Variants in ABLIM2 observed in about 807,000 individuals in gnomAD.
ABLIM2 encodes the protein actin binding LIM protein family member 2, also known as actin-binding LIM protein 2.
A neutral mutation model predicts 97.7 loss-of-function variants in ABLIM2; 53 were observed. The ratio of observed to expected loss-of-function variants is 0.54; its 90% CI spans 0.44 to 0.68. The LOEUF (loss-of-function observed/expected upper bound fraction) is 0.68, where lower values mean the gene tolerates loss of function less well. ABLIM2 is among the 30% of genes least tolerant of loss of function. The pLI, the probability that ABLIM2 is intolerant of heterozygous loss-of-function variation, is 0.00. For missense variants in ABLIM2, 835 were observed against 867.2 expected, an observed-to-expected ratio of 0.96 and a Z score of 0.47; for synonymous variants, 361 against 345.8, an observed-to-expected ratio of 1.04 and a Z score of -0.49.
At chr4:8,119,717 C>T (rs1844410413) in intron 1 of ABLIM2, among the ~76,000 whole-genome samples, 1 of 152,174 alleles carries the variant, frequency 6.6e-6, no homozygotes, top group Non-Finnish European at 1.5e-5. Flanking sequence ...ATAACAGTGA[C>T]ACTGTCTTTT....
At chr4:8,051,183 G>A (rs1312947308) in intron 8 of ABLIM2, among the ~76,000 whole-genome samples, 1 of 152,248 alleles carries the variant, frequency 6.6e-6, no homozygotes, top group African/African-American at 2.4e-5. Flanking sequence ...CGCCCTTGCG[G>A]GGACCTGGCT....
intron 1 of ABLIM2, among the ~76,000 whole-genome samples, chr4:8,143,846 G>A (rs979618418): frequency 5.9e-5 from 9 of 152,206 alleles, no homozygotes; most frequent in African/African-American, 9.7e-5. Context: ...GGACACGGCT[G>A]CCTGTCAGCC....
At chr4:7,984,052 C>T (rs1170130713) in intron 18 of ABLIM2, among the ~76,000 whole-genome samples, 1 of 152,232 alleles carries the variant, frequency 6.6e-6, no homozygotes, top group African/African-American at 2.4e-5. Context: ...TACTTCCAGA[C>T]TGAAAGCGTC....
chr4:8,020,441 G>A (rs1362721099), intron 12 of ABLIM2, 138 bp from the exon 13 acceptor site: 3 of 797,980 alleles, frequency 3.8e-6, no homozygotes, highest in Non-Finnish European at 4.2e-6. Flanking sequence ...CCTGCCCAGG[G>A]GAAGGAGTGT....
intron 2 of ABLIM2, among the ~76,000 whole-genome samples, chr4:8,102,655 G>A (rs1036718897): frequency 5.3e-5 from 8 of 152,210 alleles, no homozygotes; most frequent in African/African-American, 1.2e-4. Context: ...GGGCAGCCAC[G>A]GACAAGAGGA....
At chr4:8,096,077 G>A (rs1184491740) in intron 3 of ABLIM2, among the ~76,000 whole-genome samples, 2 of 152,052 alleles carry the variant, frequency 1.3e-5, no homozygotes, top group South Asian at 2.1e-4. Flanking sequence ...ACGATGCCAC[G>A]CTCCCCTTGG....
At chr4:8,059,254 A>T (rs1801333740) in intron 7 of ABLIM2, among the ~76,000 whole-genome samples, 1 of 152,058 alleles carries the variant, frequency 6.6e-6, no homozygotes, top group Non-Finnish European at 1.5e-5. Context: ...GCAGGCCAGA[A>T]TTTGCTGCCC....
intron 6 of ABLIM2, among the ~76,000 whole-genome samples, chr4:8,064,715 T>G (rs1351614248): frequency 6.6e-6 from 1 of 152,012 alleles, no homozygotes; most frequent in African/African-American, 2.4e-5. Flanking sequence ...AGGTTTAGGA[T>G]GTTCAAAACC....
At chr4:8,094,526 C>T (rs375983537) in intron 3 of ABLIM2, among the ~76,000 whole-genome samples, 15 of 152,150 alleles carry the variant, frequency 9.9e-5, no homozygotes, top group African/African-American at 2.2e-4. Flanking sequence ...CTGCATGCAC[C>T]GGTAATCAGA....
chr4:8,082,650 G>A lies in ABLIM2; in HGVS notation c.455-1848C>T, dbSNP rs1420186351. ...TGCTACTTTGGAAAACAGCCAGAGA[G>A]CAGATTCAAACTCTGAGGGAAAGGG... On this transcript the variant is annotated intron_variant, in intron 4 of 20. Transcript: ENST00000447017. The surrounding 1 kb of genome is among the most constrained non-coding windows in gnomAD (Gnocchi z 5.6). Among the ~76,000 whole-genome samples, 2 of 152,250 alleles carry A rather than the reference G, an allele frequency of 1.3e-5. No homozygotes were observed. The highest frequency in any genetic ancestry group is 3.8e-4 in the East Asian group (2 of 5,208).
At chr4:8,107,124 C>G (rs774527848) in intron 1 of ABLIM2, among the ~76,000 whole-genome samples, 8 of 152,236 alleles carry the variant, frequency 5.3e-5, no homozygotes, top group Admixed American at 3.3e-4. Flanking sequence ...CTCAGGGGAG[C>G]TCACTTCAAA....
chr4:8,080,727 C>T lies in ABLIM2; in HGVS notation c.530G>A (p.Cys177Tyr). Residue 177 changes from cysteine (C) to tyrosine (Y), a missense_variant, in exon 5 of 21, where the codon TGT (cysteine) becomes TAT (tyrosine). Coordinates refer to ENST00000447017, the MANE Select transcript of ABLIM2 (RefSeq NM_001130083.2). ...CTTCCCACAGCTCTTGCACTTAAAA[C>T]AGCCCAAGTGCCAGTGCTTGTCCAA... is the stretch of plus-strand genomic sequence containing the variant. ...VALDKHWHLGCFKCKSCGKLL... is the reference protein window; with the variant it reads ...VALDKHWHLGYFKCKSCGKLL... 3.1e-6 allele frequency: 5 copies of T among 1,612,882 alleles called. No individual in the cohort carries two copies. The highest frequency in any genetic ancestry group is 4.2e-6 in the Non-Finnish European group (5 of 1,179,058).
intron 6 of ABLIM2, among the ~76,000 whole-genome samples, chr4:8,073,306 C>T (rs1381543944): frequency 2.0e-5 from 3 of 150,242 alleles, no homozygotes; most frequent in Admixed American, 6.6e-5. Flanking sequence ...AGGCCGTCCT[C>T]GCTGAGGTCT....
At chr4:8,144,729 C>A (rs2152951043) in intron 1 of ABLIM2, among the ~76,000 whole-genome samples, 1 of 152,324 alleles carries the variant, frequency 6.6e-6, no homozygotes, top group South Asian at 2.1e-4. Flanking sequence ...GAAGAGGACT[C>A]ACAGAGGTGA....
intron 12 of ABLIM2, among the ~76,000 whole-genome samples, chr4:8,024,435 C>T (rs529879831): frequency 2.0e-5 from 3 of 152,160 alleles, no homozygotes; most frequent in East Asian, 1.9e-4. Context: ...GGCCTTGCCT[C>T]GGGCAGCCGC....
At position 8,106,485 on chromosome 4, in the gene ABLIM2, G is replaced by C; in HGVS notation, c.154+9C>G. 6.3e-7 allele frequency: 1 copy of C among 1,589,100 alleles called. No homozygotes were observed. Among genetic ancestry groups the C allele is most frequent in the Non-Finnish European group, 8.6e-7 (1 of 1,167,784 alleles). On this transcript the variant is annotated intron_variant, in intron 2 of 20. Coordinates refer to ENST00000447017, the MANE Select transcript of ABLIM2 (RefSeq NM_001130083.2). ...GGGGCCACACTGCAGGGGACCGGGGGACACTCACCTTTACAGACGAAGCAC... is the reference window on the plus strand; with the variant it reads ...GGGGCCACACTGCAGGGGACCGGGGCACACTCACCTTTACAGACGAAGCAC...
At position 8,106,576 on chromosome 4, in the gene ABLIM2, G is replaced by A; in HGVS notation, c.72C>T (p.Cys24=). Residue 24 remains cysteine (C), a synonymous_variant, in exon 2 of 21, where the codon TGC becomes TGT. Coordinates refer to ENST00000447017, the MANE Select transcript of ABLIM2 (RefSeq NM_001130083.2). ...CCTTGCACACATTCCCACACGTGTTGCACAGGATCGCCGTGCTGGGCGACT... is the reference window on the plus strand; with the variant it reads ...CCTTGCACACATTCCCACACGTGTTACACAGGATCGCCGTGCTGGGCGACT... ...LEKSPSTAIL[C]NTCGNVCKGE... 3 of 1,611,018 alleles carry A rather than the reference G, an allele frequency of 1.9e-6. No homozygotes were observed. Among genetic ancestry groups the A allele is most frequent in the African/African-American group, 1.3e-5 (1 of 75,018 alleles).
At chr4:7,994,080 CTTTTTTTTTTTTTTTTTTTTTTT>C (rs764214617) in intron 16 of ABLIM2, 1 of 57,770 alleles carries the variant, frequency 1.7e-5, no homozygotes, top group African/African-American at 6.5e-5. Context: ...GGGAAGCATT[CTTTTTTTTTTTTTTTTTTTTTTT>C]TTTTTTTATT....
chr4:8,145,186 A>ATT lies in ABLIM2; in HGVS notation c.10+13492_10+13493dup, dbSNP rs34290928. Among the ~76,000 whole-genome samples the ATT allele has an allele frequency of 8.4e-4, 121 of 144,740 alleles. 1 individual carries two copies. The South Asian group carries it at 0.011, about 13-fold the overall frequency. The allele number at this position is 144,740 out of a possible 152,430, so 95.0% of individuals were successfully genotyped here. On this transcript the variant is annotated intron_variant, in intron 1 of 20. Transcript: ENST00000447017. ...GGTGCTCTGTAAATGGCAGGTATTG[A>ATT]TTTTTTTTTTTTTTCCAGACAGAGT...
Sources: gnomAD v4.1 joint callset for allele counts (sites outside exome capture counted in the v4.1 genomes callset) on GRCh38, gnomAD v4.1.1 for gene constraint, Gnocchi (gnomAD v3.1) non-coding constraint, MANE v1.5 for transcripts, NCBI Gene and HGNC (gene_info 2026-07-23, HGNC 2026-07-21) for gene names.